DCLK1: variants seen among roughly 807,000 people sequenced by gnomAD.
DCLK1 encodes doublecortin like kinase 1, also known as serine/threonine-protein kinase DCLK1.
In DCLK1, 16 loss-of-function variants were observed where a neutral mutation model predicts 86.2. The observed-to-expected ratio is 0.19, with a 90% CI of 0.13 to 0.28. The LOEUF is 0.28. DCLK1 is among the 10% of genes least tolerant of loss of function. The probability of loss-of-function intolerance (pLI) is 1.00; values close to 1 mark genes in which losing one functional copy is unlikely to be tolerated. For synonymous variants in DCLK1, 369 were observed against 370.5 expected, an observed-to-expected ratio of 1.00 and a Z score of 0.05; for missense variants, 590 against 940.2, an observed-to-expected ratio of 0.63 and a Z score of 4.87.
chr13:36,061,945 A>G (rs915170773), intron 3 of DCLK1, among the ~76,000 whole-genome samples: 2 of 152,176 alleles, frequency 1.3e-5, no homozygotes, highest in Admixed American at 6.5e-5. Context: ...GAAACCCCAA[A>G]GTCCCATTTT....
Position 35,839,075 on chromosome 13 carries a change from A to G in DCLK1, c.1120+17T>C, listed in dbSNP as rs1214798332. 6.3e-7 allele frequency: 1 copy of G among 1,587,682 alleles called. No homozygotes were observed. The highest frequency in any genetic ancestry group is 8.6e-7 in the Non-Finnish European group (1 of 1,166,778). On this transcript the variant is annotated intron_variant, in intron 7 of 16. Coordinates refer to ENST00000360631, the MANE Select transcript of DCLK1 (RefSeq NM_001330071.2). ...CCATCCTCTGCCTCCTCAGATACCA[A>G]GTCCCAAGCTCATCACCTTCTCCAG...
chr13:35,774,249 T>C lies in DCLK1; in HGVS notation c.*286A>G, dbSNP rs2086382085. The stretch of plus-strand genomic sequence containing the variant: ...TATATTACATACTGCAGATCCTAGC[T>C]TGACTGATGAAAACATTCATTGCTT... On this transcript the variant is annotated 3_prime_UTR_variant, in exon 17 of 17. Coordinates refer to ENST00000360631, the MANE Select transcript of DCLK1 (RefSeq NM_001330071.2). 1 of 350,558 alleles carries C rather than the reference T, an allele frequency of 2.9e-6. No homozygotes were observed. The highest frequency in any genetic ancestry group is 4.1e-5 in the Admixed American group (1 of 24,688). 21.7% of individuals were successfully genotyped at this position (350,558 alleles called of 1,614,324 possible). A position where few individuals can be genotyped will look rare whatever the true frequency, so the allele number is the denominator to read the frequency against.
intron 5 of DCLK1, among the ~76,000 whole-genome samples, chr13:35,857,416 C>T (rs1306383902): frequency 1.3e-5 from 2 of 152,144 alleles, no homozygotes; most frequent in African/African-American, 4.8e-5. Context: ...CTCTTCCCAA[C>T]TCCTTATGAA....
At chr13:36,104,063 A>G (rs1885309097) in intron 3 of DCLK1, among the ~76,000 whole-genome samples, 1 of 152,366 alleles carries the variant, frequency 6.6e-6, no homozygotes, top group Admixed American at 6.5e-5. Context: ...AGAGTCTTTC[A>G]TGAAGAAGCC....
At chr13:35,845,869 A>G (rs1204105462) in intron 6 of DCLK1, 1 of 964,930 alleles carries the variant, frequency 1.0e-6, no homozygotes, top group Admixed American at 6.2e-5. Flanking sequence ...TACTTATCAA[A>G]TTTTCTGAAA....
chr13:35,851,133 G>A (rs941980803), intron 6 of DCLK1, among the ~76,000 whole-genome samples: 5 of 152,094 alleles, frequency 3.3e-5, no homozygotes, highest in Non-Finnish European at 5.9e-5. Flanking sequence ...GAAAAGGAAC[G>A]TGCTTACCTC....
chr13:36,024,759 T>C (rs1289961024), intron 3 of DCLK1, among the ~76,000 whole-genome samples: 2 of 151,934 alleles, frequency 1.3e-5, no homozygotes, highest in African/African-American at 2.4e-5. Flanking sequence ...TATGGAAATA[T>C]AAGGAACTCA....
At chr13:35,857,659 A>C (rs1871145237) in intron 5 of DCLK1, among the ~76,000 whole-genome samples, 1 of 152,260 alleles carries the variant, frequency 6.6e-6, no homozygotes, top group South Asian at 2.1e-4. Context: ...GAGGTATCAC[A>C]ACAGCCATTA....
intron 3 of DCLK1, among the ~76,000 whole-genome samples, chr13:36,031,117 C>T (rs1882253132): frequency 6.6e-6 from 1 of 152,232 alleles, no homozygotes; most frequent in African/African-American, 2.4e-5. Context: ...TTCAGCCCTT[C>T]ACAGCCTGGG....
At chr13:35,836,705 C>G (rs1365632770) in intron 7 of DCLK1, among the ~76,000 whole-genome samples, 1 of 152,196 alleles carries the variant, frequency 6.6e-6, no homozygotes, top group East Asian at 1.9e-4. Context: ...ATGTTCTCAC[C>G]AGCAATCTGC....
At chr13:35,832,800 AT>A (rs1230340423) in intron 8 of DCLK1, among the ~76,000 whole-genome samples, 1 of 152,126 alleles carries the variant, frequency 6.6e-6, no homozygotes, top group East Asian at 1.9e-4. Flanking sequence ...GTGGAATTTG[AT>A]TTTGAATTTG....
In DCLK1 at chr13:36,026,825, T is replaced by C. The variant is rs61574523; in HGVS notation, c.724-79368A>G. 4.0e-3 allele frequency among the ~76,000 whole-genome samples: 616 copies of C among 152,302 alleles called. 3 individuals are homozygous for C. Among genetic ancestry groups the C allele is most frequent in the African/African-American group, 0.014 (583 of 41,576 alleles). ...AACAGCTTCTCAGGCATTCTTATAA[T>C]GAACCAGTATAATGCAGTTGATGGT... On this transcript the variant is annotated intron_variant, in intron 3 of 16. Transcript: ENST00000360631.
chr13:36,013,257 T>C (rs1284974692), intron 3 of DCLK1, among the ~76,000 whole-genome samples: 3 of 152,088 alleles, frequency 2.0e-5, no homozygotes, highest in Non-Finnish European at 2.9e-5. Context: ...CCAGCTTTGT[T>C]CCATTGCTGG....
chr13:35,926,391 G>C (rs972190490), intron 4 of DCLK1, among the ~76,000 whole-genome samples: 1 of 152,148 alleles, frequency 6.6e-6, no homozygotes, highest in African/African-American at 2.4e-5. Context: ...GACCTCTCAG[G>C]AGTCTTATTC....
At chr13:35,866,563 T>A (rs80318652) in intron 5 of DCLK1, among the ~76,000 whole-genome samples, 27,532 of 150,996 alleles carry the variant, frequency 0.18, 2,987 homozygotes, top group African/African-American at 0.3. Context: ...AGCCATCCTG[T>A]ATAGCTGGGA....
rs1877384281 is a variant in DCLK1, at chr13:35,946,425, A to T, written c.823+933T>A. Among the ~76,000 whole-genome samples, 3 of 152,120 alleles carry T rather than the reference A, an allele frequency of 2.0e-5. No individual in the cohort carries two copies. The South Asian group carries it at 6.2e-4, about 32-fold the overall frequency. ...ACATCTGCAGTGTTGGAGTGAGACC[A>T]CTCCTGTGTAGAACAGGTGAAAGTC... On this transcript the variant is annotated intron_variant, in intron 4 of 16. Transcript: ENST00000360631.
chr13:35,769,641 A>G lies in DCLK1; in HGVS notation c.*4894T>C, dbSNP rs1041652615. 6.6e-5 allele frequency: 10 copies of G among 152,212 alleles called. No homozygotes were observed. Among genetic ancestry groups the G allele is most frequent in the African/African-American group, 2.4e-4 (10 of 41,452 alleles). The allele number at this position is 152,212 out of a possible 1,614,324, so 9.4% of individuals were successfully genotyped here. A position where few individuals can be genotyped will look rare whatever the true frequency, so the allele number is the denominator to read the frequency against. On this transcript the variant is annotated 3_prime_UTR_variant, in exon 17 of 17. Coordinates refer to ENST00000360631, the MANE Select transcript of DCLK1 (RefSeq NM_001330071.2). ...GATTGGACTGGAGTGAACTGACATT[A>G]TAGCATCTTTATCATCACCTTTAAA...
chr13:35,864,313 C>T (rs1462818065), intron 5 of DCLK1, among the ~76,000 whole-genome samples: 1 of 75,124 alleles, frequency 1.3e-5, no homozygotes, highest in Non-Finnish European at 2.6e-5. Context: ...CGCCTGTAAT[C>T]CCAGCACTTT....
chr13:35,918,864 G>A lies in DCLK1; in HGVS notation c.823+28494C>T, dbSNP rs1231818818. 4.4e-5 allele frequency among the ~76,000 whole-genome samples: 6 copies of A among 136,418 alleles called. 1 individual carries two copies. Among genetic ancestry groups the A allele is most frequent in the East Asian group, 4.3e-4 (2 of 4,682 alleles). The allele number at this position is 136,418 out of a possible 152,430, so 89.5% of individuals were successfully genotyped here. On this transcript the variant is annotated intron_variant, in intron 4 of 16. Transcript: ENST00000360631. The stretch of plus-strand genomic sequence containing the variant: ...TTAATTGTCTTATAATTTGTTAAAG[G>A]CCAAAAAGAAATCTTCCTTCTGAGT...
Sources: gnomAD v4.1 joint callset for allele counts (sites outside exome capture counted in the v4.1 genomes callset) on GRCh38, gnomAD v4.1.1 for gene constraint, MANE v1.5 for transcripts, NCBI Gene and HGNC (gene_info 2026-07-23, HGNC 2026-07-21) for gene names.